Variants in CADM2 observed in about 807,000 individuals in gnomAD.
The protein encoded by CADM2 is cell adhesion molecule 2, also known as immunoglobulin superfamily member 4D.
In CADM2, 12 loss-of-function variants were observed where a neutral mutation model predicts 49.8. The ratio of observed to expected loss-of-function variants is 0.24; its 90% CI spans 0.15 to 0.39. The LOEUF is 0.39. Ranked by LOEUF, CADM2 falls within the 10% of genes least tolerant of loss-of-function variation. The pLI, the probability that CADM2 is intolerant of heterozygous loss-of-function variation, is 1.00. For missense variants in CADM2, 378 were observed against 492.3 expected (o/e 0.77, Z 2.20); for synonymous variants, 214 against 175.4 (o/e 1.22, Z -1.74).
intron 1 of CADM2, among the ~76,000 whole-genome samples, chr3:85,042,821 T>C (rs1359233149): frequency 6.6e-6 from 1 of 152,112 alleles, no homozygotes; most frequent in Non-Finnish European, 1.5e-5. Context: ...TCTACCATCT[T>C]TTTAGTTCTT....
intron 2 of CADM2, among the ~76,000 whole-genome samples, chr3:85,740,201 C>T (rs1449445832): frequency 6.6e-6 from 1 of 152,158 alleles, no homozygotes; most frequent in Non-Finnish European, 1.5e-5. Flanking sequence ...AAGTCTGTGT[C>T]TTTTGATATC....
intron 7 of CADM2, among the ~76,000 whole-genome samples, chr3:85,943,535 G>GT (rs1383173626): frequency 1.3e-5 from 2 of 150,928 alleles, no homozygotes; most frequent in Non-Finnish European, 3.0e-5. Flanking sequence ...AAGGGATCCA[G>GT]TTTCAGCTTT....
At chr3:85,899,259 C>T (rs945431679) in intron 5 of CADM2, among the ~76,000 whole-genome samples, 1 of 151,882 alleles carries the variant, frequency 6.6e-6, no homozygotes, top group African/African-American at 2.4e-5. Flanking sequence ...AGCCACCGCA[C>T]TCAGCAATAT....
chr3:85,398,239 G>A (rs1312541365), intron 1 of CADM2, among the ~76,000 whole-genome samples: 1 of 151,852 alleles, frequency 6.6e-6, no homozygotes, highest in Non-Finnish European at 1.5e-5. Flanking sequence ...TCCCACCTAT[G>A]AGTGAGAACT....
intron 1 of CADM2, among the ~76,000 whole-genome samples, chr3:85,380,785 T>C (rs1297064677): frequency 1.3e-5 from 2 of 151,788 alleles, no homozygotes; most frequent in South Asian, 2.1e-4. Flanking sequence ...AATCAATTAC[T>C]TTTTTTAGAA....
At chr3:85,835,146 A>G (rs1215711166) in intron 3 of CADM2, among the ~76,000 whole-genome samples, 1 of 151,558 alleles carries the variant, frequency 6.6e-6, no homozygotes, top group Admixed American at 6.6e-5. Flanking sequence ...AATTTAAATA[A>G]GGCTTTAATC....
At chr3:85,108,015 T>G (rs763694410) in intron 1 of CADM2, among the ~76,000 whole-genome samples, 40 of 152,116 alleles carry the variant, frequency 2.6e-4, no homozygotes, top group Non-Finnish European at 5.1e-4. Context: ...AGTATGACTA[T>G]TTCTTTAAAA....
chr3:85,032,275 A>G (rs1436816075), intron 1 of CADM2, among the ~76,000 whole-genome samples: 2 of 152,110 alleles, frequency 1.3e-5, no homozygotes, highest in African/African-American at 2.4e-5. Context: ...ACAAGGTCAC[A>G]AAGATAACAT....
intron 5 of CADM2, among the ~76,000 whole-genome samples, chr3:85,896,368 G>A (rs1715217873): frequency 6.6e-6 from 1 of 152,182 alleles, no homozygotes; most frequent in South Asian, 2.1e-4. Context: ...TTGAAGTTAA[G>A]TGACTTATAA....
chr3:85,449,079 T>TAATAATAATAATAATAATAAA (rs1338554155), intron 1 of CADM2, among the ~76,000 whole-genome samples: 26 of 147,890 alleles, frequency 1.8e-4, no homozygotes, highest in African/African-American at 5.6e-4. Flanking sequence ...ATAATAATGA[T>TAATAATAATAATAATAATAAA]AAAAATTATA....
At chr3:85,095,839 C>T (rs2037774651) in intron 1 of CADM2, among the ~76,000 whole-genome samples, 1 of 152,068 alleles carries the variant, frequency 6.6e-6, no homozygotes, top group South Asian at 2.1e-4. Context: ...GTCTGACAGG[C>T]AAGTGGCGGA....
intron 1 of CADM2, among the ~76,000 whole-genome samples, chr3:85,152,218 C>A (rs2039945327): frequency 6.6e-6 from 1 of 152,086 alleles, no homozygotes; most frequent in Non-Finnish European, 1.5e-5. Context: ...CTATATAATA[C>A]TCTGTAAAGT....
chr3:85,097,499 C>G (rs1337848204), intron 1 of CADM2, among the ~76,000 whole-genome samples: 2 of 152,104 alleles, frequency 1.3e-5, no homozygotes, highest in African/African-American at 4.8e-5. Flanking sequence ...ATTTATAATC[C>G]TTTGGGTATG....
At chr3:85,385,417 T>C (rs2034166311) in intron 1 of CADM2, among the ~76,000 whole-genome samples, 1 of 152,170 alleles carries the variant, frequency 6.6e-6, no homozygotes, top group South Asian at 2.1e-4. Flanking sequence ...ACATGGCTCA[T>C]TTGTTAATGT....
chr3:85,777,868 G>A (rs1282827721), intron 2 of CADM2, among the ~76,000 whole-genome samples: 2 of 152,134 alleles, frequency 1.3e-5, no homozygotes, highest in African/African-American at 2.4e-5. Flanking sequence ...AACAATTTTC[G>A]TGAAGCAAAC....
intron 1 of CADM2, among the ~76,000 whole-genome samples, chr3:85,465,257 G>A (rs774915523): frequency 6.6e-6 from 1 of 152,228 alleles, no homozygotes. Flanking sequence ...AGATCTTGTC[G>A]CATAAGATGT....
chr3:85,337,893 T>C (rs749768654), intron 1 of CADM2, among the ~76,000 whole-genome samples: 1 of 151,730 alleles, frequency 6.6e-6, no homozygotes, highest in South Asian at 2.1e-4. Context: ...TACTCTCATA[T>C]ATTTTAATCT....
At chr3:85,719,691 G>A (rs916866145) in intron 1 of CADM2, among the ~76,000 whole-genome samples, 2 of 151,410 alleles carry the variant, frequency 1.3e-5, no homozygotes, top group African/African-American at 4.9e-5. Flanking sequence ...CTATCTCAGG[G>A]ATGGCAGAGG....
chr3:85,515,631 A>ATATATATATATT (rs1159969286), intron 1 of CADM2, among the ~76,000 whole-genome samples: 20 of 118,404 alleles, frequency 1.7e-4, no homozygotes, highest in South Asian at 1.3e-3. Flanking sequence ...ATATATATAT[A>ATATATATATATT]TTTTTTTTTT....
Sources: allele counts gnomAD v4.1 joint callset (sites outside exome capture counted in the v4.1 genomes callset), GRCh38; gene constraint gnomAD v4.1.1; transcripts MANE v1.5; gene names NCBI Gene and HGNC (gene_info 2026-07-23, HGNC 2026-07-21).